CACNA1E: variants seen among roughly 807,000 people sequenced by gnomAD.
The protein encoded by CACNA1E is calcium voltage-gated channel subunit alpha1 E.
A neutral mutation model predicts 259.2 loss-of-function variants in CACNA1E; 40 were observed. The observed-to-expected ratio is 0.15, with a 90% CI of 0.12 to 0.20. The LOEUF (loss-of-function observed/expected upper bound fraction) is 0.20. Ranked by LOEUF, CACNA1E falls within the 10% of genes least tolerant of loss-of-function variation. The pLI is 1.00. For synonymous variants in CACNA1E, 1,104 were observed against 1,138.5 expected, an observed-to-expected ratio of 0.97 and a Z score of 0.61; for missense variants, 1,874 against 3,040.1, an observed-to-expected ratio of 0.62 and a Z score of 9.02.
Position 181,755,468 on chromosome 1 carries a change from G to A in CACNA1E, c.3989+71G>A, listed in dbSNP as rs141619209. 8.9e-5 allele frequency: 104 copies of A among 1,166,912 alleles called. No individual in the cohort carries two copies. The African/African-American group carries it at 1.5e-3, about 16-fold the overall frequency. The allele number at this position is 1,166,912 out of a possible 1,614,324, so 72.3% of individuals were successfully genotyped here. ...CTGATGATCCCACTCCACCACCACAGGTCCACCCTCCCTCCTTTCTATCTT... is the reference window on the plus strand; with the variant it reads ...CTGATGATCCCACTCCACCACCACAAGTCCACCCTCCCTCCTTTCTATCTT... On this transcript the variant is annotated intron_variant, in intron 28 of 47. Transcript: ENST00000367573.
chr1:181,525,834 T>C (rs1358404939), intron 3 of CACNA1E, among the ~76,000 whole-genome samples: 1 of 152,224 alleles, frequency 6.6e-6, no homozygotes, highest in African/African-American at 2.4e-5. Flanking sequence ...TTAATTATGT[T>C]GCTGCTTGTT....
rs66526388 is a variant in CACNA1E at position 181,686,275 on chromosome 1, G to GTTTTTTTTTTTT, written c.1056-24662_1056-24651dup. On this transcript the variant is annotated intron_variant, in intron 7 of 47. Coordinates refer to ENST00000367573, the MANE Select transcript of CACNA1E (RefSeq NM_001205293.3). The stretch of plus-strand genomic sequence containing the variant: ...AGGCTTGGAGGCCAGTAAGAACCAA[G>GTTTTTTTTTTTT]TTTTTTTTTTTTTTTTTTTTTTTTT... Among the ~76,000 whole-genome samples, 241 of 58,658 alleles carry GTTTTTTTTTTTT rather than the reference G, an allele frequency of 4.1e-3. 14 individuals are homozygous for GTTTTTTTTTTTT. Among genetic ancestry groups the GTTTTTTTTTTTT allele is most frequent in the African/African-American group, 7.1e-3 (114 of 16,124 alleles). 38.5% of individuals were successfully genotyped at this position (58,658 alleles called of 152,430 possible). A position where few individuals can be genotyped will look rare whatever the true frequency, so the allele number is the denominator to read the frequency against.
At chr1:181,432,470 A>G (rs1342081719) in intron 2 of CACNA1E, among the ~76,000 whole-genome samples, 1 of 152,170 alleles carries the variant, frequency 6.6e-6, no homozygotes, top group Non-Finnish European at 1.5e-5. Flanking sequence ...TAAAATAACA[A>G]AAAAATGTTT....
intron 38 of CACNA1E, among the ~76,000 whole-genome samples, chr1:181,780,088 A>G (rs2102816290): frequency 6.6e-6 from 1 of 152,296 alleles, no homozygotes; most frequent in East Asian, 1.9e-4. Context: ...ATAGGACAGA[A>G]GGGGTGAGAA....
chr1:181,722,819 G>A (rs1329048826), intron 16 of CACNA1E, among the ~76,000 whole-genome samples: 5 of 152,084 alleles, frequency 3.3e-5, no homozygotes, highest in African/African-American at 9.7e-5. Context: ...GCTGTTTTAC[G>A]TTTTCTACCC....
chr1:181,420,206 A>G (rs866710775), intron 2 of CACNA1E, among the ~76,000 whole-genome samples: 1 of 151,114 alleles, frequency 6.6e-6, no homozygotes. Context: ...CTAGAAACCA[A>G]CCTGGGAGGT....
chr1:181,748,860 G>T (rs906610549), intron 25 of CACNA1E, among the ~76,000 whole-genome samples: 1 of 152,186 alleles, frequency 6.6e-6, no homozygotes, highest in Non-Finnish European at 1.5e-5. Flanking sequence ...CCAGTATGCA[G>T]AACAGTGCCT....
chr1:181,668,879 T>C (rs2102184150), intron 7 of CACNA1E: 1 of 151,552 alleles, frequency 6.6e-6, no homozygotes, highest in East Asian at 1.9e-4. Context: ...AAAAAAAAAA[T>C]TAGCTGGGTG....
intron 7 of CACNA1E, among the ~76,000 whole-genome samples, chr1:181,684,553 A>G (rs1011717869): frequency 3.5e-4 from 54 of 152,176 alleles, no homozygotes; most frequent in Non-Finnish European, 1.8e-4. Context: ...ATCTTTGCCA[A>G]GGCCAATGTC....
chr1:181,644,125 C>A (rs969256544), intron 6 of CACNA1E, among the ~76,000 whole-genome samples: 6 of 152,300 alleles, frequency 3.9e-5, no homozygotes, highest in African/African-American at 1.4e-4. Context: ...TTTCATTTTT[C>A]TGGCTGTAAG....
At chr1:181,677,797 G>GC (rs1275873537) in intron 7 of CACNA1E, among the ~76,000 whole-genome samples, 1 of 152,164 alleles carries the variant, frequency 6.6e-6, no homozygotes, top group Non-Finnish European at 1.5e-5. Context: ...ACTTATATAA[G>GC]CCCAGGGGTG....
At chr1:181,606,522 A>G (rs1283405904) in intron 6 of CACNA1E, among the ~76,000 whole-genome samples, 2 of 152,204 alleles carry the variant, frequency 1.3e-5, no homozygotes, top group Non-Finnish European at 2.9e-5. Flanking sequence ...TGATGACTGC[A>G]GCAGCCTCTT....
At chr1:181,725,556 G>T (rs1004962237) in intron 17 of CACNA1E, among the ~76,000 whole-genome samples, 4 of 152,216 alleles carry the variant, frequency 2.6e-5, no homozygotes, top group African/African-American at 9.6e-5. Flanking sequence ...GGGGACACTT[G>T]CAGGAATGCT....
At chr1:181,480,947 G>A (rs1663189833), upstream of CACNA1E, among the ~76,000 whole-genome samples, 1 of 152,138 alleles carries the variant, frequency 6.6e-6, no homozygotes, top group African/African-American at 2.4e-5. Context: ...TATGGATTAT[G>A]GTACTGTCTG....
intron 32 of CACNA1E, among the ~76,000 whole-genome samples, chr1:181,762,344 T>C (rs1658657280): frequency 1.3e-5 from 2 of 152,238 alleles, no homozygotes; most frequent in African/African-American, 4.8e-5. Flanking sequence ...GATAAAGTCT[T>C]CAAATAGTGA....
chr1:181,402,960 T>TAA (rs1657210352), intron 1 of CACNA1E, among the ~76,000 whole-genome samples: 2 of 152,172 alleles, frequency 1.3e-5, no homozygotes, highest in South Asian at 2.1e-4. Context: ...ATGGGAAAGA[T>TAA]AAAAGTACTT....
chr1:181,503,011 T>C (rs765195741), intron 1 of CACNA1E, among the ~76,000 whole-genome samples: 1 of 152,196 alleles, frequency 6.6e-6, no homozygotes, highest in Non-Finnish European at 1.5e-5. Context: ...GCCAGGCCTG[T>C]TTGAACAGGG....
intron 2 of CACNA1E, among the ~76,000 whole-genome samples, chr1:181,452,997 G>A (rs1377273717): frequency 6.6e-6 from 1 of 152,206 alleles, no homozygotes; most frequent in African/African-American, 2.4e-5. Flanking sequence ...ACCATCAGCT[G>A]GACAGTTTTA....
intron 6 of CACNA1E, among the ~76,000 whole-genome samples, chr1:181,648,083 C>G (rs1462828579): frequency 6.6e-6 from 1 of 152,174 alleles, no homozygotes; most frequent in African/African-American, 2.4e-5. Flanking sequence ...TTTTTTCATC[C>G]AGCAGGCCCC....
Sources: gnomAD v4.1 joint callset for allele counts (sites outside exome capture counted in the v4.1 genomes callset) on GRCh38, gnomAD v4.1.1 for gene constraint, MANE v1.5 for transcripts, NCBI Gene and HGNC (gene_info 2026-07-23, HGNC 2026-07-21) for gene names.